NCS1: variants seen among roughly 807,000 people sequenced by gnomAD.
NCS1 encodes the protein frequenin homolog.
NCS1 carries 6 observed loss-of-function variants against 28.4 expected under a neutral mutation model. That is an observed-to-expected ratio of 0.21 (90% CI 0.12 to 0.42). The LOEUF (loss-of-function observed/expected upper bound fraction) is 0.42. Ranked by LOEUF, NCS1 falls within the 10% of genes least tolerant of loss-of-function variation. The pLI, the probability that NCS1 is intolerant of heterozygous loss-of-function variation, is 1.00. For missense variants in NCS1, 131 were observed against 241.4 expected, an observed-to-expected ratio of 0.54 and a Z score of 3.03; for synonymous variants, 86 against 99.3, an observed-to-expected ratio of 0.87 and a Z score of 0.79.
Position 130,215,664 on chromosome 9 carries a change from G to A in NCS1, c.90-2168G>A, listed in dbSNP as rs545712358. Among the ~76,000 whole-genome samples, 2 of 152,282 alleles carry A rather than the reference G, an allele frequency of 1.3e-5. No individual in the cohort carries two copies. The highest frequency in any genetic ancestry group is 2.4e-5 in the African/African-American group (1 of 41,556). ...AATGGGATGGTTGGGCCGACCTGCC[G>A]AGGGAACCACCCTCTCAGCACAGTG... On this transcript the variant is annotated intron_variant, in intron 2 of 7. Coordinates refer to ENST00000372398, the MANE Select transcript of NCS1 (RefSeq NM_014286.4). The surrounding 1 kb of genome is among the most constrained non-coding windows in gnomAD (Gnocchi z 4.2).
chr9:130,173,310 C>A (rs1832516476), intron 1 of NCS1, among the ~76,000 whole-genome samples: 2 of 152,108 alleles, frequency 1.3e-5, no homozygotes, highest in South Asian at 4.1e-4. Flanking sequence ...CTCCCTGGCC[C>A]CATCTCTGTC....
At chr9:130,224,891 C>A (rs190228244) in intron 6 of NCS1, among the ~76,000 whole-genome samples, 1 of 152,274 alleles carries the variant, frequency 6.6e-6, no homozygotes, top group East Asian at 1.9e-4. Context: ...TACGTGCCTT[C>A]AGCAAAATAA....
chr9:130,214,460 A>G (rs1230983936), intron 2 of NCS1, among the ~76,000 whole-genome samples: 3 of 152,194 alleles, frequency 2.0e-5, no homozygotes, highest in Non-Finnish European at 4.4e-5. Flanking sequence ...GAACAGGGTG[A>G]GGGGTCAGCA....
At position 130,227,317 on chromosome 9, in the gene NCS1, C is replaced by T. The variant is rs140165570; in HGVS notation, c.*17+813C>T. On this transcript the variant is annotated intron_variant, in intron 7 of 7. Transcript: ENST00000372398. Reference sequence around the variant, plus strand: ...TTTGTGGAGTGTTCAATGTAGTCTGCGGGGAGTGGGTGTGAATAACGTCCA... The same window carrying T: ...TTTGTGGAGTGTTCAATGTAGTCTGTGGGGAGTGGGTGTGAATAACGTCCA... Among the ~76,000 whole-genome samples the T allele has an allele frequency of 7.4e-4, 112 of 152,216 alleles. 1 individual carries two copies. Among genetic ancestry groups the T allele is most frequent in the East Asian group, 4.2e-3 (22 of 5,180 alleles).
intron 4 of NCS1, among the ~76,000 whole-genome samples, chr9:130,221,395 TATATATATATATATATATAGAGAGAGAG>T (rs1355431243): frequency 2.6e-4 from 17 of 64,924 alleles, no homozygotes; most frequent in African/African-American, 9.3e-4. Context: ...TATATATATA[TATATATATATATATATATAGAGAGAGAG>T]AGAGAGAGAG....
At chr9:130,182,476 G>A (rs1284376926) in intron 1 of NCS1, among the ~76,000 whole-genome samples, 2 of 152,230 alleles carry the variant, frequency 1.3e-5, no homozygotes, top group East Asian at 3.9e-4. Context: ...CCTTCCCGCT[G>A]GTTCCAGAGG....
intron 7 of NCS1, among the ~76,000 whole-genome samples, chr9:130,227,959 T>C (rs1429684263): frequency 1.3e-5 from 2 of 152,164 alleles, no homozygotes; most frequent in Non-Finnish European, 2.9e-5. Context: ...AGGGCTGTGG[T>C]CTCATCTGAA....
At chr9:130,227,371 T>C (rs1432051088) in intron 7 of NCS1, among the ~76,000 whole-genome samples, 1 of 152,226 alleles carries the variant, frequency 6.6e-6, no homozygotes, top group East Asian at 1.9e-4. Flanking sequence ...AGCGTTCTTG[T>C]CCACGTCCTG....
rs147435932 is a variant in NCS1, at chr9:130,237,120, C to T, written c.*4148C>T. On this transcript the variant is annotated 3_prime_UTR_variant, in exon 8 of 8. Transcript: ENST00000372398. The stretch of plus-strand genomic sequence containing the variant: ...TCCTTTCCTGCTTGCCTCCCCAGCC[C>T]CCTTTGAGTCTCTTTTTGGGGTGCC... The T allele has an allele frequency of 6.6e-6, 1 of 152,384 alleles. No homozygotes were observed. Among genetic ancestry groups the T allele is most frequent in the Non-Finnish European group, 1.5e-5 (1 of 68,226 alleles). The allele number at this position is 152,384 out of a possible 1,614,324, so 9.4% of individuals were successfully genotyped here.
At chr9:130,213,349 C>T (rs1833139328) in intron 2 of NCS1, among the ~76,000 whole-genome samples, 1 of 152,058 alleles carries the variant, frequency 6.6e-6, no homozygotes, top group Admixed American at 6.5e-5. Context: ...GTGATCTCGG[C>T]TCACTGCAAG....
chr9:130,222,125 T>TATAC (rs1564714075), intron 4 of NCS1, among the ~76,000 whole-genome samples: 1 of 134,282 alleles, frequency 7.4e-6, no homozygotes, highest in South Asian at 2.3e-4. Context: ...TATATATATA[T>TATAC]GTGTATATAT....
chr9:130,199,731 C>T (rs987022214), intron 1 of NCS1, among the ~76,000 whole-genome samples: 2 of 152,170 alleles, frequency 1.3e-5, no homozygotes, highest in Admixed American at 6.6e-5. Flanking sequence ...GCAGCTGTTG[C>T]GAGCTTGCTT....
intron 2 of NCS1, among the ~76,000 whole-genome samples, chr9:130,205,593 T>A (rs1554907988): frequency 6.9e-6 from 1 of 145,756 alleles, no homozygotes; most frequent in Non-Finnish European, 1.5e-5. Context: ...ATCCCAGCAA[T>A]TTGGGAGGCC....
rs1554911470 is a variant in NCS1, at chr9:130,226,842, T to C, written c.*17+338T>C. Among the ~76,000 whole-genome samples, 1 of 151,848 alleles carries C rather than the reference T, an allele frequency of 6.6e-6. No individual in the cohort carries two copies. Among genetic ancestry groups the C allele is most frequent in the East Asian group, 1.9e-4 (1 of 5,156 alleles). On this transcript the variant is annotated intron_variant, in intron 7 of 7. Transcript: ENST00000372398. The surrounding 1 kb of genome is among the most constrained non-coding windows in gnomAD (Gnocchi z 4.8). Reference sequence around the variant, plus strand: ...GAGTTCAAGACCAGCCTGACCAACATGGTGAAACCCCGTCTCTACTAAAAA... The same window carrying C: ...GAGTTCAAGACCAGCCTGACCAACACGGTGAAACCCCGTCTCTACTAAAAA...
At position 130,215,539 on chromosome 9, in the gene NCS1, G is replaced by A. The variant is rs80316402; in HGVS notation, c.90-2293G>A. Among the ~76,000 whole-genome samples, 756 of 152,262 alleles carry A rather than the reference G, an allele frequency of 5.0e-3. 10 individuals are homozygous for A. The highest frequency in any genetic ancestry group is 0.04 in the South Asian group (191 of 4,810). ...CGGATGCTGGGGTCGCACACTGGCCGGCAGGGCAGAGGACAGGAGAGGCAG... is the reference window on the plus strand; with the variant it reads ...CGGATGCTGGGGTCGCACACTGGCCAGCAGGGCAGAGGACAGGAGAGGCAG... On this transcript the variant is annotated intron_variant, in intron 2 of 7. Transcript: ENST00000372398. The surrounding 1 kb of genome is among the most constrained non-coding windows in gnomAD (Gnocchi z 4.2).
At chr9:130,173,963 G>A (rs1832527875) in intron 1 of NCS1, among the ~76,000 whole-genome samples, 1 of 152,194 alleles carries the variant, frequency 6.6e-6, no homozygotes, top group South Asian at 2.1e-4. Context: ...AGTCTGCTGC[G>A]AGGTGCTGGC....
chr9:130,197,455 G>C (rs1415030539), intron 1 of NCS1, among the ~76,000 whole-genome samples: 1 of 152,232 alleles, frequency 6.6e-6, no homozygotes, highest in Non-Finnish European at 1.5e-5. Flanking sequence ...AGGCCTTGGT[G>C]ATGGGCAAAC....
At chr9:130,199,967 G>A (rs148629149) in intron 1 of NCS1, among the ~76,000 whole-genome samples, 214 of 152,148 alleles carry the variant, frequency 1.4e-3, no homozygotes, top group African/African-American at 5.0e-3. Context: ...GCCCTACGCC[G>A]TACCCTTTGC....
chr9:130,195,142 C>A (rs2131130352), intron 1 of NCS1, among the ~76,000 whole-genome samples: 2 of 152,340 alleles, frequency 1.3e-5, no homozygotes, highest in East Asian at 3.9e-4. Context: ...TGCCTGAGTC[C>A]CATTTTACAG....
Sources: allele counts gnomAD v4.1 joint callset (sites outside exome capture counted in the v4.1 genomes callset), GRCh38; gene constraint gnomAD v4.1.1; non-coding constraint Gnocchi (gnomAD v3.1); transcripts MANE v1.5; gene names NCBI Gene and HGNC (gene_info 2026-07-23, HGNC 2026-07-21).